MMS22L: variants seen among roughly 807,000 people sequenced by gnomAD.
MMS22L encodes MMS22 like, DNA repair protein, also known as protein MMS22-like.
MMS22L carries 74 observed loss-of-function variants against 159.1 expected under a neutral mutation model. That is an observed-to-expected ratio of 0.47 (90% CI 0.39 to 0.56). The LOEUF (loss-of-function observed/expected upper bound fraction) is 0.56. MMS22L is among the 20% of genes least tolerant of loss of function. The pLI, the probability that MMS22L is intolerant of heterozygous loss-of-function variation, is 0.00. For synonymous variants in MMS22L, 517 were observed against 506.9 expected (o/e 1.02, Z -0.27); for missense variants, 1,351 against 1,422.1 (o/e 0.95, Z 0.80).
intron 4 of MMS22L, among the ~76,000 whole-genome samples, chr6:97,276,376 G>A (rs1254077972): frequency 6.6e-6 from 1 of 152,178 alleles, no homozygotes; most frequent in Non-Finnish European, 1.5e-5. Flanking sequence ...AGGTTAATAA[G>A]TGTAATAATA....
At chr6:97,175,938 T>C (rs962064558) in intron 18 of MMS22L, among the ~76,000 whole-genome samples, 18 of 152,334 alleles carry the variant, frequency 1.2e-4, no homozygotes, top group Admixed American at 5.9e-4. Flanking sequence ...AGCAGTCAGT[T>C]CAGCTTGCAA....
chr6:97,191,560 T>C (rs1805866749), intron 14 of MMS22L, among the ~76,000 whole-genome samples: 2 of 150,164 alleles, frequency 1.3e-5, no homozygotes, highest in Admixed American at 6.6e-5. Context: ...CTTTTAACTC[T>C]ACTGCAAACA....
chr6:97,263,354 C>T lies in MMS22L; in HGVS notation c.923G>A (p.Ser308Asn). 1 of 1,584,680 alleles carries T rather than the reference C, an allele frequency of 6.3e-7. No individual in the cohort carries two copies. Among genetic ancestry groups the T allele is most frequent in the Non-Finnish European group, 8.6e-7 (1 of 1,168,526 alleles). ...ACTTACTTCCGAGACAAACCATTTA[C>T]TTCTGTGGTCTAGAAGATGAATAAG... Reference protein sequence around the residue: ...VLLIHLLDHRSKWFVSESFWN... With the variant: ...VLLIHLLDHRNKWFVSESFWN... The change falls in exon 9 of 25, where the codon AGT becomes AAT. Residue 308 changes from serine to asparagine, a missense_variant. By Grantham distance (46) the Ser-to-Asn change is conservative. Transcript: ENST00000683635.
intron 16 of MMS22L, among the ~76,000 whole-genome samples, chr6:97,181,591 T>A (rs901544048): frequency 3.3e-5 from 5 of 152,150 alleles, no homozygotes; most frequent in South Asian, 2.1e-4. Flanking sequence ...TCAGTAATAA[T>A]AAATGTGTAA....
rs1369289418 is a variant in MMS22L, at chr6:97,168,221, C to T, written c.2859G>A (p.Trp953Ter). The T allele has an allele frequency of 6.2e-7, 1 of 1,612,170 alleles. No homozygotes were observed. The highest frequency in any genetic ancestry group is 8.5e-7 in the Non-Finnish European group (1 of 1,179,016). Reference protein sequence around the residue: ...YGMMGILVKSWAQIFATSKAQ... With the variant: ...YGMMGILVKS ...CTTTAGAAGTGGCAAAGATTTGTGC[C>T]CATGATTTCACAAGAATTCCTAACA... is the stretch of plus-strand genomic sequence containing the variant. Residue 953 changes from tryptophan to a stop codon, truncating the protein, a stop_gained, in exon 20 of 25, where the codon TGG (tryptophan) becomes TGA (stop). Transcript: ENST00000683635. LOFTEE classifies it high-confidence loss of function.
At chr6:97,256,629 G>C (rs143560148) in intron 9 of MMS22L, among the ~76,000 whole-genome samples, 6 of 152,272 alleles carry the variant, frequency 3.9e-5, no homozygotes, top group African/African-American at 1.2e-4. Context: ...TTGTTGAAAA[G>C]TCAGCTGCCC....
intron 17 of MMS22L, 74 bp downstream of exon 17, chr6:97,179,334 T>C (rs963816264): frequency 2.3e-6 from 3 of 1,285,998 alleles, no homozygotes; most frequent in South Asian, 1.6e-5. Context: ...ATTAATTACA[T>C]AACAAATGAT....
intron 9 of MMS22L, among the ~76,000 whole-genome samples, chr6:97,257,279 T>C (rs1307719815): frequency 6.6e-6 from 1 of 152,214 alleles, no homozygotes; most frequent in Non-Finnish European, 1.5e-5. Context: ...CAGATCTTAT[T>C]CAAAATTAGC....
chr6:97,283,402 A>AAG (rs906898048), upstream of MMS22L: 1 of 151,796 alleles, frequency 6.6e-6, no homozygotes, highest in Non-Finnish European at 1.5e-5. Context: ...AAAAAAAAAA[A>AAG]CAGAACTGCT....
intron 18 of MMS22L, among the ~76,000 whole-genome samples, chr6:97,174,836 G>A (rs1803965114): frequency 1.3e-5 from 2 of 152,194 alleles, no homozygotes. Context: ...TGACATTAAA[G>A]TTGGACATGC....
intron 7 of MMS22L, among the ~76,000 whole-genome samples, chr6:97,268,468 G>A (rs559367181): frequency 2.0e-5 from 3 of 151,944 alleles, no homozygotes; most frequent in African/African-American, 7.3e-5. Context: ...GATTACAGGC[G>A]TGAGCCACCA....
chr6:97,191,338 A>G (rs1052917688), intron 14 of MMS22L, among the ~76,000 whole-genome samples: 1 of 152,152 alleles, frequency 6.6e-6, no homozygotes, highest in African/African-American at 2.4e-5. Context: ...ATCTTGGCAT[A>G]CCATTGTTTC....
chr6:97,178,821 A>G (rs1378110169), intron 17 of MMS22L, among the ~76,000 whole-genome samples: 2 of 152,160 alleles, frequency 1.3e-5, no homozygotes, highest in South Asian at 2.1e-4. Context: ...ATAATAAAAT[A>G]TTAAAATAAA....
chr6:97,185,137 T>C (rs772062627), intron 15 of MMS22L, among the ~76,000 whole-genome samples: 2 of 152,004 alleles, frequency 1.3e-5, no homozygotes, highest in Non-Finnish European at 2.9e-5. Flanking sequence ...CAACTGCCTC[T>C]GGCCTTCTGT....
At chr6:97,193,697 T>TACTATTTGTTTTTAATTCCTGACGCAG (rs2128290328) in intron 14 of MMS22L, among the ~76,000 whole-genome samples, 1 of 152,328 alleles carries the variant, frequency 6.6e-6, no homozygotes, top group Non-Finnish European at 1.5e-5. Flanking sequence ...TCATAATATT[T>TACTATTTGTTTTTAATTCCTGACGCAG]ACTATTTGTT....
rs554045477 is a variant in MMS22L, at chr6:97,184,006, G to A, written c.2234-1952C>T. 4.8e-4 allele frequency among the ~76,000 whole-genome samples: 73 copies of A among 152,180 alleles called. 1 individual carries two copies. Among genetic ancestry groups the A allele is most frequent in the African/African-American group, 1.7e-3 (71 of 41,538 alleles). On this transcript the variant is annotated intron_variant, in intron 15 of 24. Transcript: ENST00000683635. Reference sequence around the variant, plus strand: ...AAGATTAATCTAAATTTGCAGTCTGGAATTGCTCTTTTCACCTTTTCTCTG... The same window carrying A: ...AAGATTAATCTAAATTTGCAGTCTGAAATTGCTCTTTTCACCTTTTCTCTG...
rs1802856489 is a variant in MMS22L, at chr6:97,165,357, G to C, written c.3110C>G (p.Ala1037Gly). The change falls in exon 21 of 25, where the codon GCT (alanine) becomes GGT (glycine). Residue 1037 changes from alanine (A) to glycine (G), a missense_variant. Physicochemically the swap from Ala to Gly is moderately conservative, Grantham distance 60. Coordinates refer to ENST00000683635, the MANE Select transcript of MMS22L (RefSeq NM_001350599.2). ...IEQYIGRFLP[A>G]SPYVSDLGQH... ...TCCAAGATCTGAAACATATGGTGAA[G>C]CTGGAAGAAATCGCCCAATATACTG... 2 of 1,613,230 alleles carry C rather than the reference G, an allele frequency of 1.2e-6. No homozygotes were observed. The highest frequency in any genetic ancestry group is 1.7e-6 in the Non-Finnish European group (2 of 1,179,636).
intron 4 of MMS22L, among the ~76,000 whole-genome samples, chr6:97,277,419 A>C (rs1816343956): frequency 6.6e-6 from 1 of 152,020 alleles, no homozygotes. Context: ...ATCTCAAAAA[A>C]TAATAATAAT....
intron 14 of MMS22L, among the ~76,000 whole-genome samples, chr6:97,203,469 T>C (rs1306818078): frequency 6.6e-6 from 1 of 152,162 alleles, no homozygotes; most frequent in Non-Finnish European, 1.5e-5. Context: ...AAACCGATGA[T>C]ACTCAATAAA....
Sources: allele counts gnomAD v4.1 joint callset (sites outside exome capture counted in the v4.1 genomes callset), GRCh38; gene constraint gnomAD v4.1.1; transcripts MANE v1.5; gene names NCBI Gene and HGNC (gene_info 2026-07-23, HGNC 2026-07-21).